The following PIK3C2G variants were observed in gnomAD, a reference collection of about 807,000 sequenced individuals.
The protein encoded by PIK3C2G is phosphatidylinositol-4-phosphate 3-kinase catalytic subunit type 2 gamma.
Under a neutral mutation model 181.1 loss-of-function variants are expected in PIK3C2G, and 168 were observed. The observed-to-expected ratio is 0.93, with a 90% CI of 0.82 to 1.05. PIK3C2G has a LOEUF of 1.05. Among genes scored for constraint, PIK3C2G ranks in the 50% least tolerant of loss-of-function variants. The pLI, the probability that PIK3C2G is intolerant of heterozygous loss-of-function variation, is 0.00. For missense variants in PIK3C2G, 1,869 were observed against 1,732.8 expected, an observed-to-expected ratio of 1.08 and a Z score of -1.40; for synonymous variants, 573 against 592.2, an observed-to-expected ratio of 0.97 and a Z score of 0.47.
upstream of PIK3C2G, among the ~76,000 whole-genome samples, chr12:18,259,721 A>G (rs2136987700): frequency 6.7e-6 from 1 of 150,046 alleles, no homozygotes; most frequent in Non-Finnish European, 1.5e-5. Context: ...ATGTTAACAT[A>G]ATAGACAGGA....
intron 24 of PIK3C2G, among the ~76,000 whole-genome samples, chr12:18,522,712 A>AT (rs1418685270): frequency 3.3e-5 from 5 of 151,744 alleles, no homozygotes; most frequent in African/African-American, 4.8e-5. Context: ...TGTCTTGGGG[A>AT]TTTCCTCTTT....
At chr12:18,532,297 A>G (rs1006724334) in intron 24 of PIK3C2G, among the ~76,000 whole-genome samples, 1 of 152,254 alleles carries the variant, frequency 6.6e-6, no homozygotes, top group East Asian at 1.9e-4. Context: ...TTTGCTGGCT[A>G]TGTGTTGGCA....
chr12:18,449,498 T>C (rs183222844), intron 18 of PIK3C2G, among the ~76,000 whole-genome samples: 18 of 152,228 alleles, frequency 1.2e-4, no homozygotes, highest in South Asian at 8.3e-4. Flanking sequence ...TTCCCCTCCC[T>C]GTGTCCATGT....
At chr12:18,286,506 A>G (rs1949450512) in intron 2 of PIK3C2G, among the ~76,000 whole-genome samples, 1 of 152,074 alleles carries the variant, frequency 6.6e-6, no homozygotes, top group African/African-American at 2.4e-5. Flanking sequence ...AAAAGAATGC[A>G]TATACATTAT....
intron 18 of PIK3C2G, among the ~76,000 whole-genome samples, chr12:18,471,348 G>GTA (rs1016628898): frequency 1.3e-5 from 2 of 152,136 alleles, no homozygotes; most frequent in Admixed American, 1.3e-4. Context: ...AATCTTGAAT[G>GTA]TATATATACT....
intron 29 of PIK3C2G, among the ~76,000 whole-genome samples, chr12:18,587,968 C>A (rs760562944): frequency 6.6e-6 from 1 of 151,848 alleles, no homozygotes; most frequent in Non-Finnish European, 1.5e-5. Flanking sequence ...TATAGCCAAC[C>A]GTTTTTTGAC....
At chr12:18,391,871 G>A (rs11044067) in intron 15 of PIK3C2G, among the ~76,000 whole-genome samples, 19,409 of 151,822 alleles carry the variant, frequency 0.13, 1,270 homozygotes, top group African/African-American at 0.16. Context: ...CTCTTTGTGC[G>A]TGTATGTGTG....
chr12:18,486,975 A>G (rs1199386886), intron 18 of PIK3C2G, among the ~76,000 whole-genome samples: 1 of 152,182 alleles, frequency 6.6e-6, no homozygotes, highest in Non-Finnish European at 1.5e-5. Flanking sequence ...TTGACATTTC[A>G]AAATCTCATC....
chr12:18,559,390 T>C (rs569029848), intron 26 of PIK3C2G, among the ~76,000 whole-genome samples: 11 of 152,078 alleles, frequency 7.2e-5, no homozygotes, highest in Non-Finnish European at 1.3e-4. Context: ...CGTATGAGCA[T>C]TTGGACAGAA....
At chr12:18,625,812 T>G (rs1043666365) in intron 31 of PIK3C2G, among the ~76,000 whole-genome samples, 6 of 151,888 alleles carry the variant, frequency 4.0e-5, no homozygotes, top group Non-Finnish European at 7.4e-5. Flanking sequence ...TTAAAGTCTA[T>G]TTTGTCTGAT....
At chr12:18,506,670 T>C (rs528437950) in intron 24 of PIK3C2G, among the ~76,000 whole-genome samples, 145 of 152,168 alleles carry the variant, frequency 9.5e-4, no homozygotes, top group Non-Finnish European at 1.6e-3. Context: ...TAAGGAATAC[T>C]GATAGATGAA....
intron 8 of PIK3C2G, among the ~76,000 whole-genome samples, chr12:18,328,001 T>A (rs1214345990): frequency 1.3e-5 from 2 of 151,950 alleles, no homozygotes; most frequent in African/African-American, 2.4e-5. Context: ...TTCCTAGTAG[T>A]CTCTAATATG....
chr12:18,378,376 A>G (rs1285865066), intron 13 of PIK3C2G, among the ~76,000 whole-genome samples: 3 of 152,124 alleles, frequency 2.0e-5, no homozygotes, highest in Non-Finnish European at 4.4e-5. Context: ...TTAGTTCAGT[A>G]ACTTTAAATA....
rs371145002 is a variant in PIK3C2G, at chr12:18,442,735, A to G, written c.2504+18696A>G. Among the ~76,000 whole-genome samples the G allele has an allele frequency of 9.2e-5, 14 of 152,278 alleles. No homozygotes were observed. In the East Asian group the frequency reaches 9.6e-4, roughly 10 times the overall value. The stretch of plus-strand genomic sequence containing the variant: ...TCTTCAGATATTAACAACATTTACA[A>G]TTGATTAAAATATTTAAGAGTATAC... On this transcript the variant is annotated intron_variant, in intron 18 of 32. Coordinates refer to ENST00000538779, the MANE Select transcript of PIK3C2G (RefSeq NM_001288772.2).
At chr12:18,698,023 A>G in the PIK3C2G span, among the ~76,000 whole-genome samples, 2 of 151,696 alleles carry the variant, frequency 1.3e-5, no homozygotes, top group African/African-American at 4.9e-5. Flanking sequence ...ATACAATTAT[A>G]ATTAATTTAT....
intron 31 of PIK3C2G, among the ~76,000 whole-genome samples, chr12:18,632,782 A>G (rs1565582462): frequency 1.3e-5 from 2 of 152,200 alleles, no homozygotes; most frequent in Non-Finnish European, 2.9e-5. Context: ...TCTATTCAGG[A>G]TTTGATGCAT....
chr12:18,632,751 A>G (rs1250447932), intron 31 of PIK3C2G, among the ~76,000 whole-genome samples: 1 of 152,150 alleles, frequency 6.6e-6, no homozygotes, highest in Non-Finnish European at 1.5e-5. Context: ...AGAATAAATT[A>G]TCTTTTTCTC....
intron 26 of PIK3C2G, among the ~76,000 whole-genome samples, chr12:18,560,208 C>T (rs572754194): frequency 6.6e-6 from 1 of 152,002 alleles, no homozygotes; most frequent in South Asian, 2.1e-4. Context: ...TCTACTCCTT[C>T]CTGAAAGTTC....
At chr12:18,562,379 G>A (rs1265178580) in intron 26 of PIK3C2G, among the ~76,000 whole-genome samples, 2 of 152,110 alleles carry the variant, frequency 1.3e-5, no homozygotes, top group Non-Finnish European at 2.9e-5. Context: ...TGATCCGCCC[G>A]CCTCGGCCTT....
Sources: allele counts gnomAD v4.1 joint callset (sites outside exome capture counted in the v4.1 genomes callset), GRCh38; gene constraint gnomAD v4.1.1; transcripts MANE v1.5; gene names NCBI Gene and HGNC (gene_info 2026-07-23, HGNC 2026-07-21).